The following SMCHD1 variants were observed in gnomAD, a reference collection of about 807,000 sequenced individuals.
SMCHD1 encodes the protein structural maintenance of chromosomes flexible hinge domain-containing protein 1.
A neutral mutation model predicts 254.7 loss-of-function variants in SMCHD1; 78 were observed. The observed-to-expected ratio is 0.31, with a 90% CI of 0.26 to 0.37. The LOEUF (loss-of-function observed/expected upper bound fraction) is 0.37. Among genes scored for constraint, SMCHD1 ranks in the 10% least tolerant of loss-of-function variants. SMCHD1 has a pLI of 1.00. For synonymous variants in SMCHD1, 766 were observed against 794.9 expected, an observed-to-expected ratio of 0.96 and a Z score of 0.61; for missense variants, 1,840 against 2,408.1, an observed-to-expected ratio of 0.76 and a Z score of 4.94.
intron 37 of SMCHD1, among the ~76,000 whole-genome samples, chr18:2,768,605 G>GTA (rs2075912658): frequency 9.0e-6 from 1 of 111,290 alleles, no homozygotes; most frequent in African/African-American, 2.9e-5. Context: ...GAGTAGTATA[G>GTA]TATAGTGTAC....
intron 37 of SMCHD1, among the ~76,000 whole-genome samples, chr18:2,767,988 T>C (rs1238150528): frequency 6.6e-6 from 1 of 152,096 alleles, no homozygotes; most frequent in Non-Finnish European, 1.5e-5. Flanking sequence ...TATCTAAACA[T>C]AGAAAAGGTA....
At position 2,732,272 on chromosome 18, in the gene SMCHD1, A is replaced by C; in HGVS notation, c.3056A>C (p.Lys1019Thr). The C allele has an allele frequency of 5.6e-6, 9 of 1,612,900 alleles. No individual in the cohort carries two copies. The highest frequency in any genetic ancestry group is 6.8e-6 in the Non-Finnish European group (8 of 1,179,210). The change falls in exon 25 of 48, where the codon AAA becomes ACA. Residue 1019 changes from lysine to threonine, a missense_variant. Lys to Thr is a moderately conservative substitution (Grantham distance 78, BLOSUM62 -1). Transcript: ENST00000320876. ...LKARIEIPSCKDVAPVEKTIK... is the reference protein window; with the variant it reads ...LKARIEIPSCTDVAPVEKTIK... ...GTTTTCTTCTCTTTCTAGAGTTGTA[A>C]AGATGTGGCACCTGTGGAGAAGACT... is the stretch of plus-strand genomic sequence containing the variant.
chr18:2,707,551 G>A lies in SMCHD1; in HGVS notation c.2064-12G>A, dbSNP rs759931544. On this transcript the variant is annotated splice_polypyrimidine_tract_variant and intron_variant, in intron 15 of 47. Transcript: ENST00000320876. ...AAGTTTGTGGAACATTAATATGCTG[G>A]TTTCATAACAGGCTCCCTGATAGAT... The A allele has an allele frequency of 5.8e-6, 9 of 1,560,574 alleles. No individual in the cohort carries two copies. The highest frequency in any genetic ancestry group is 7.8e-6 in the Non-Finnish European group (9 of 1,146,550).
chr18:2,777,873 G>T lies in SMCHD1; in HGVS notation c.5434G>T (p.Asp1812Tyr). ...CATTGGAGATCCAGTCTTTGCTCGA[G>T]ACTTGTTAACATTTCCAGATAATGT... is the stretch of plus-strand genomic sequence containing the variant. ...KPIGDPVFARDLLTFPDNVEH... is the reference protein window; with the variant it reads ...KPIGDPVFARYLLTFPDNVEH... Residue 1812 changes from aspartate to tyrosine, a missense_variant, in exon 43 of 48, where the codon GAC (aspartate) becomes TAC (tyrosine). This residue lies in a region of SMCHD1 where 114 missense variants were observed against 217.6 expected (regional missense o/e 0.52). Transcript: ENST00000320876. The T allele has an allele frequency of 6.4e-7, 1 of 1,550,998 alleles. No homozygotes were observed. Among genetic ancestry groups the T allele is most frequent in the South Asian group, 1.2e-5 (1 of 83,124 alleles).
rs140798846 is a variant in SMCHD1 at position 2,784,998 on chromosome 18, T to G, written c.5719+377T>G. 6.9e-3 allele frequency: 2,349 copies of G among 341,278 alleles called. 56 individuals carry two copies. The highest frequency in any genetic ancestry group is 0.048 in the African/African-American group (2,198 of 45,474). The allele number at this position is 341,278 out of a possible 1,614,324, so 21.1% of individuals were successfully genotyped here. A position where few individuals can be genotyped will look rare whatever the true frequency, so the allele number is the denominator to read the frequency against. ...GTCATTATTGAATAAGTCAGTATTT[T>G]ATTACATAATCATAATACTTATTTC... On this transcript the variant is annotated intron_variant, in intron 45 of 47. Coordinates refer to ENST00000320876, the MANE Select transcript of SMCHD1 (RefSeq NM_015295.3).
Position 2,732,472 on chromosome 18 carries a change from G to A in SMCHD1, c.3256G>A (p.Ala1086Thr), listed in dbSNP as rs1198483723. ...EGEREINITS[A>T]LAEKIKVNWT... ...AGAAAGAGAAATCAATATAACATCA[G>A]CTTTAGCAGAAAAAATTAAAGTAAG... Residue 1086 changes from alanine (A) to threonine (T), a missense_variant, in exon 25 of 48, where the codon GCT becomes ACT. Physicochemically the swap from Ala to Thr is moderately conservative, Grantham distance 58. Transcript: ENST00000320876. 1.2e-6 allele frequency: 2 copies of A among 1,601,408 alleles called. No individual in the cohort carries two copies. The highest frequency in any genetic ancestry group is 3.4e-5 in the Admixed American group (2 of 58,892).
intron 25 of SMCHD1, 86 bp downstream of exon 25, chr18:2,732,578 A>G (rs2075163944): frequency 2.5e-6 from 2 of 790,894 alleles, no homozygotes; most frequent in Admixed American, 3.0e-5. Context: ...TATGGGTAGC[A>G]TCTAAAAAAG....
intron 29 of SMCHD1, among the ~76,000 whole-genome samples, chr18:2,745,892 T>A (rs1196372366): frequency 6.6e-6 from 1 of 152,220 alleles, no homozygotes; most frequent in African/African-American, 2.4e-5. Context: ...CTAATTTTTC[T>A]AAGTTTTCTA....
At chr18:2,667,921 C>A (rs749353000) in intron 3 of SMCHD1, among the ~76,000 whole-genome samples, 2 of 151,764 alleles carry the variant, frequency 1.3e-5, no homozygotes, top group Non-Finnish European at 2.9e-5. Flanking sequence ...TCTCTGTCAC[C>A]CTGGCTGGAG....
At chr18:2,666,722 C>A (rs1396982286) in intron 2 of SMCHD1, 148 bp from the exon 3 acceptor site, 9 of 572,836 alleles carry the variant, frequency 1.6e-5, no homozygotes, top group Non-Finnish European at 9.0e-6. Flanking sequence ...ATATCCTTAA[C>A]ATGACTTTGC....
At chr18:2,681,841 A>C (rs150452616) in intron 5 of SMCHD1, among the ~76,000 whole-genome samples, 3 of 152,304 alleles carry the variant, frequency 2.0e-5, no homozygotes, top group African/African-American at 7.2e-5. Context: ...CTCTCAACTC[A>C]GAGCCATTTT....
chr18:2,775,290 TAGAAG>T (rs1323765145), intron 41 of SMCHD1, among the ~76,000 whole-genome samples: 3 of 149,566 alleles, frequency 2.0e-5, no homozygotes, highest in East Asian at 2.0e-4. Context: ...AGTATTTACT[TAGAAG>T]GGAAGGGCTT....
Position 2,751,446 on chromosome 18 carries a change from TAAAACTA to T in SMCHD1, c.4281+55_4281+61del, listed in dbSNP as rs1234982055. ...TTAAAAATAGTTCTTACATTTAACT[TAAAACTA>T]AGTCTCCTTTAATGTAAATATATAA... is the stretch of plus-strand genomic sequence containing the variant. On this transcript the variant is annotated intron_variant, in intron 33 of 47. Transcript: ENST00000320876. 4.2e-6 allele frequency: 4 copies of T among 951,492 alleles called. No homozygotes were observed. The African/African-American group carries it at 7.0e-5, about 17-fold the overall frequency. The allele number at this position is 951,492 out of a possible 1,614,324, so 58.9% of individuals were successfully genotyped here.
At chr18:2,764,600 A>C (rs1352905545) in intron 37 of SMCHD1, among the ~76,000 whole-genome samples, 1 of 152,212 alleles carries the variant, frequency 6.6e-6, no homozygotes, top group Non-Finnish European at 1.5e-5. Context: ...AATTAGGAAA[A>C]AAATTTCATC....
At chr18:2,776,905 C>T (rs908340336) in intron 42 of SMCHD1, among the ~76,000 whole-genome samples, 2 of 152,148 alleles carry the variant, frequency 1.3e-5, no homozygotes, top group Non-Finnish European at 1.5e-5. Context: ...AATACTTTTT[C>T]TTTTCTTAAG....
Position 2,760,749 on chromosome 18 carries a change from C to T in SMCHD1, c.4434+10C>T. ...TCTCAACAGTGAACAGGTTTGCTTA[C>T]TTTTTTTATATACCACAGTTAGCTT... is the stretch of plus-strand genomic sequence containing the variant. On this transcript the variant is annotated intron_variant, in intron 35 of 47. Coordinates refer to ENST00000320876, the MANE Select transcript of SMCHD1 (RefSeq NM_015295.3). 3 of 1,535,860 alleles carry T rather than the reference C, an allele frequency of 2.0e-6. 1 individual carries two copies. The highest frequency in any genetic ancestry group is 2.3e-5 in the South Asian group (2 of 86,822).
chr18:2,731,980 C>T (rs957247497), intron 24 of SMCHD1, among the ~76,000 whole-genome samples: 2 of 152,092 alleles, frequency 1.3e-5, no homozygotes, highest in Non-Finnish European at 2.9e-5. Context: ...CACTGCCCTC[C>T]AGCCTAGGAG....
In SMCHD1 at chr18:2,803,312, TTTTACA is replaced by T. The variant is rs1024626374; in HGVS notation, c.*769_*774del. 6.6e-6 allele frequency: 1 copy of T among 150,900 alleles called. No homozygotes were observed. Among genetic ancestry groups the T allele is most frequent in the African/African-American group, 2.4e-5 (1 of 41,264 alleles). 9.3% of individuals were successfully genotyped at this position (150,900 alleles called of 1,614,324 possible). On this transcript the variant is annotated 3_prime_UTR_variant, in exon 48 of 48. Coordinates refer to ENST00000320876, the MANE Select transcript of SMCHD1 (RefSeq NM_015295.3). ...CTAGAATATGTAGTCTCAGCCTTAA[TTTTACA>T]TTTACATTATTTTGTAATTTTTTAT...
chr18:2,688,514 TAA>T lies in SMCHD1; in HGVS notation c.753+10_753+11del, dbSNP rs1167194316. 3 of 1,606,812 alleles carry T rather than the reference TAA, an allele frequency of 1.9e-6. No homozygotes were observed. The African/African-American group carries it at 4.0e-5, about 22-fold the overall frequency. On this transcript the variant is annotated splice_region_variant and intron_variant, in intron 6 of 47. Transcript: ENST00000320876. ...TTGTTGGACAATCAGCCAGAGTAAG[TAA>T]AAAGATTTCTTATAAATGAAAGTTG... is the stretch of plus-strand genomic sequence containing the variant.
Sources: gnomAD v4.1 joint callset for allele counts (sites outside exome capture counted in the v4.1 genomes callset) on GRCh38, gnomAD v4.1.1 for gene constraint, gnomAD v4.1.1 regional missense constraint, MANE v1.5 for transcripts, NCBI Gene and HGNC (gene_info 2026-07-23, HGNC 2026-07-21) for gene names.